Variants in ATP1A2 observed in about 807,000 individuals in gnomAD.
ATP1A2 encodes ATPase Na+/K+ transporting subunit alpha 2, also known as sodium/potassium-transporting ATPase subunit alpha-2.
Under a neutral mutation model 113.1 loss-of-function variants are expected in ATP1A2, and 56 were observed. That is an observed-to-expected ratio of 0.49 (90% CI 0.40 to 0.62). ATP1A2 has a LOEUF of 0.62. Ranked by LOEUF, ATP1A2 falls within the 20% of genes least tolerant of loss-of-function variation. The pLI is 0.00. For synonymous variants in ATP1A2, 490 were observed against 526.8 expected, an observed-to-expected ratio of 0.93 and a Z score of 0.96; for missense variants, 712 against 1,357.8, an observed-to-expected ratio of 0.52 and a Z score of 7.47.
rs548954847 is a variant in ATP1A2, at chr1:160,135,729, CT to C, written c.2285-108del. 8.6e-5 allele frequency: 139 copies of C among 1,610,252 alleles called. 2 individuals carry two copies. In the South Asian group the frequency reaches 1.5e-3, roughly 17 times the overall value. On this transcript the variant is annotated intron_variant, in intron 16 of 22. Coordinates refer to ENST00000361216, the MANE Select transcript of ATP1A2 (RefSeq NM_000702.4). This position sits in a 1 kb window ranked among gnomAD's most constrained non-coding sequence, Gnocchi z 6.3. ...GGCAGCCCAGCCCACTTTAGCTTCC[CT>C]TGAACACAAAATCTTCCTCTCTTGG... is the stretch of plus-strand genomic sequence containing the variant.
At position 160,136,639 on chromosome 1, in the gene ATP1A2, C is replaced by T. The variant is rs1651959716; in HGVS notation, c.2633C>T (p.Ser878Leu). 2 of 1,614,228 alleles carry T rather than the reference C, an allele frequency of 1.2e-6. No individual in the cohort carries two copies. The highest frequency in any genetic ancestry group is 1.7e-6 in the Non-Finnish European group (2 of 1,180,038). The change falls in exon 19 of 23, where the codon TCA (serine) becomes TTA (leucine). Residue 878 changes from serine to leucine, a missense_variant. By Grantham distance (145) the Ser-to-Leu change is moderately radical. Coordinates refer to ENST00000361216, the MANE Select transcript of ATP1A2 (RefSeq NM_000702.4). The stretch of plus-strand genomic sequence containing the variant: ...CTGGCAGAGAACGGTTTCCTGCCAT[C>T]ACGGCTACTGGGAATCCGCCTCGAC... Reference protein sequence around the residue: ...VILAENGFLPSRLLGIRLDWD... With the variant: ...VILAENGFLPLRLLGIRLDWD...
chr1:160,133,528 T>C (rs1651829885), intron 13 of ATP1A2, among the ~76,000 whole-genome samples: 1 of 152,050 alleles, frequency 6.6e-6, no homozygotes, highest in Non-Finnish European at 1.5e-5. Flanking sequence ...ACAATAGCAA[T>C]GAACATTATG....
At chr1:160,124,769 G>A (rs1651532875) in intron 6 of ATP1A2, among the ~76,000 whole-genome samples, 1 of 152,208 alleles carries the variant, frequency 6.6e-6, no homozygotes, top group Non-Finnish European at 1.5e-5. Flanking sequence ...GCTGCTGAAT[G>A]TGGCCACACA....
intron 21 of ATP1A2, 28 bp downstream of exon 21, chr1:160,139,769 T>C: frequency 6.2e-7 from 1 of 1,613,520 alleles, no homozygotes. Context: ...GCGGCCTGAG[T>C]AGTCATACGG....
chr1:160,139,539 T>G, intron 20 of ATP1A2, 101 bp from the exon 21 acceptor site: 18 of 982,342 alleles, frequency 1.8e-5, no homozygotes, highest in East Asian at 2.4e-5. Context: ...ACTATGTCGT[T>G]TAGAATTCTC....
At chr1:160,131,831 CAAA>C (rs112596755) in intron 13 of ATP1A2, among the ~76,000 whole-genome samples, 6 of 120,486 alleles carry the variant, frequency 5.0e-5, no homozygotes, top group Non-Finnish European at 5.3e-5. Context: ...GACTCCATCT[CAAA>C]AAAAAAAAAA....
At chr1:160,138,856 G>A (rs530226200) in intron 20 of ATP1A2, among the ~76,000 whole-genome samples, 51 of 151,972 alleles carry the variant, frequency 3.4e-4, no homozygotes, top group Non-Finnish European at 6.2e-4. Flanking sequence ...GTAATAATGT[G>A]ACTGAACATT....
rs142309356 is a variant in ATP1A2 at position 160,129,014 on chromosome 1, G to C, written c.1251G>C (p.Thr417=). Residue 417 remains threonine, a synonymous_variant, in exon 10 of 23, where the codon ACG becomes ACC. Coordinates refer to ENST00000361216, the MANE Select transcript of ATP1A2 (RefSeq NM_000702.4). ...ATFDKRSPTW[T]ALSRIAGLCN... ...TTGACAAACGATCCCCTACGTGGAC[G>C]GCCCTGTCTCGAATTGCTGGTCTCT... 3.0e-5 allele frequency: 48 copies of C among 1,610,090 alleles called. No individual in the cohort carries two copies. Among genetic ancestry groups the C allele is most frequent in the Non-Finnish European group, 4.1e-5 (48 of 1,178,006 alleles).
rs918668160 is a variant in ATP1A2, at chr1:160,142,912, G to C, written c.*1590G>C. On this transcript the variant is annotated 3_prime_UTR_variant, in exon 23 of 23. Transcript: ENST00000361216. ...CATTGTGCCCACTTACCCTGGGCTG[G>C]AGAGTTGGTTTCAGGTTCCTACAGG... 3.3e-5 allele frequency: 5 copies of C among 152,218 alleles called. No individual in the cohort carries two copies. The highest frequency in any genetic ancestry group is 1.2e-4 in the African/African-American group (5 of 41,438). 9.4% of individuals were successfully genotyped at this position (152,218 alleles called of 1,614,324 possible). A position where few individuals can be genotyped will look rare whatever the true frequency, so the allele number is the denominator to read the frequency against.
In ATP1A2 at chr1:160,139,724, C is replaced by T. The variant is rs954480042; in HGVS notation, c.2925C>T (p.Leu975=). 6.2e-7 allele frequency: 1 copy of T among 1,614,232 alleles called. No individual in the cohort carries two copies. The highest frequency in any genetic ancestry group is 8.5e-7 in the Non-Finnish European group (1 of 1,180,036). The change falls in exon 21 of 23, where the codon CTC becomes CTT. Residue 975 remains leucine, a synonymous_variant. Transcript: ENST00000361216. ...LSYCPGMGVA[L]RMYPLKVTWW... ...ACTGCCCAGGCATGGGTGTAGCCCT[C>T]CGCATGTACCCGCTCAAGTGAGTGT...
intron 13 of ATP1A2, among the ~76,000 whole-genome samples, chr1:160,131,266 C>T (rs191675517): frequency 3.3e-5 from 5 of 152,288 alleles, no homozygotes; most frequent in Admixed American, 1.3e-4. Context: ...ATTCTAAGCA[C>T]TAAACCTCTA....
chr1:160,116,674 G>A (rs1668063810), intron 1 of ATP1A2, among the ~76,000 whole-genome samples: 1 of 152,156 alleles, frequency 6.6e-6, no homozygotes, highest in African/African-American at 2.4e-5. Context: ...GAGAAGAGTG[G>A]CCCAATCCTT....
rs1261796623 is a variant in ATP1A2 at position 160,130,377 on chromosome 1, G to T, written c.1652-45G>T. 3.1e-6 allele frequency: 5 copies of T among 1,614,118 alleles called. No homozygotes were observed. The South Asian group carries it at 4.4e-5, about 14-fold the overall frequency. On this transcript the variant is annotated intron_variant, in intron 12 of 22. Coordinates refer to ENST00000361216, the MANE Select transcript of ATP1A2 (RefSeq NM_000702.4). ...GGTGGGGGACTGTGGGGGCGTCCAG[G>T]AAGCCACTCTGCGGATCTCACTGAT... is the stretch of plus-strand genomic sequence containing the variant.
chr1:160,130,827 G>A (rs1459326591), intron 13 of ATP1A2, among the ~76,000 whole-genome samples: 1 of 152,114 alleles, frequency 6.6e-6, no homozygotes, highest in East Asian at 1.9e-4. Context: ...TCCCTCCCTG[G>A]CACAGCTCTT....
At position 160,135,425 on chromosome 1, in the gene ATP1A2, T is replaced by C. The variant is rs1570994166; in HGVS notation, c.2116-9T>C. The C allele has an allele frequency of 6.2e-7, 1 of 1,613,888 alleles. No homozygotes were observed. ...GTTTCGTCCTCAAGTGTGGCCGTCT[T>C]CCCTCCAGGGAGCCATTGTGGCCGT... On this transcript the variant is annotated splice_polypyrimidine_tract_variant and intron_variant, in intron 15 of 22. Transcript: ENST00000361216. The surrounding 1 kb of genome is among the most constrained non-coding windows in gnomAD (Gnocchi z 6.3).
At chr1:160,124,131 C>T in intron 5 of ATP1A2, 75 bp downstream of exon 5, 1 of 1,586,878 alleles carries the variant, frequency 6.3e-7, no homozygotes, top group Non-Finnish European at 8.6e-7. Context: ...TTGTCAGCTC[C>T]CAGGCTCTAA....
Position 160,129,013 on chromosome 1 carries a change from C to T in ATP1A2, c.1250C>T (p.Thr417Met), listed in dbSNP as rs138696612. Residue 417 changes from threonine (T) to methionine (M), a missense_variant, in exon 10 of 23, where the codon ACG (threonine) becomes ATG (methionine). By Grantham distance (81) the Thr-to-Met change is moderately conservative. Coordinates refer to ENST00000361216, the MANE Select transcript of ATP1A2 (RefSeq NM_000702.4). ...ATFDKRSPTW[T>M]ALSRIAGLCN... ...TTTGACAAACGATCCCCTACGTGGACGGCCCTGTCTCGAATTGCTGGTCTC... is the reference window on the plus strand; with the variant it reads ...TTTGACAAACGATCCCCTACGTGGATGGCCCTGTCTCGAATTGCTGGTCTC... The T allele has an allele frequency of 6.8e-6, 11 of 1,609,968 alleles. No homozygotes were observed. The highest frequency in any genetic ancestry group is 1.3e-5 in the African/African-American group (1 of 74,952).
Position 160,135,601 on chromosome 1 carries a change from G to A in ATP1A2, c.2283G>A (p.Glu761=), listed in dbSNP as rs760732436. Reference sequence around the variant, plus strand: ...CCTCCATCGTCACGGGGGTGGAGGAGGGTGAGGAGGCTGCATGGGTTGGGA... The same window carrying A: ...CCTCCATCGTCACGGGGGTGGAGGAAGGTGAGGAGGCTGCATGGGTTGGGA... ...NFASIVTGVE[E]GRLIFDNLKK... is the part of the protein sequence containing the mutation. The change falls in exon 16 of 23, where the codon GAG becomes GAA. Residue 761 remains glutamate, a splice_region_variant and synonymous_variant. Coordinates refer to ENST00000361216, the MANE Select transcript of ATP1A2 (RefSeq NM_000702.4). The surrounding 1 kb of genome is among the most constrained non-coding windows in gnomAD (Gnocchi z 6.3). The A allele has an allele frequency of 2.5e-6, 4 of 1,613,614 alleles. No individual in the cohort carries two copies. The South Asian group carries it at 3.3e-5, about 13-fold the overall frequency.
intron 13 of ATP1A2, among the ~76,000 whole-genome samples, chr1:160,131,504 C>T (rs558654815): frequency 2.0e-5 from 3 of 152,162 alleles, no homozygotes; most frequent in South Asian, 2.1e-4. Context: ...ACTCTGTCTC[C>T]GAGGCAGGCA....
Sources: allele counts gnomAD v4.1 joint callset (sites outside exome capture counted in the v4.1 genomes callset), GRCh38; gene constraint gnomAD v4.1.1; non-coding constraint Gnocchi (gnomAD v3.1); transcripts MANE v1.5; gene names NCBI Gene and HGNC (gene_info 2026-07-23, HGNC 2026-07-21).